The following ZRANB1 variants were observed in gnomAD, a reference collection of about 807,000 sequenced individuals.
The protein encoded by ZRANB1 is ubiquitin thioesterase ZRANB1.
Under a neutral mutation model 80.5 loss-of-function variants are expected in ZRANB1, and 16 were observed. The observed-to-expected ratio is 0.20, with a 90% CI of 0.13 to 0.30. The LOEUF (loss-of-function observed/expected upper bound fraction) is 0.30, where lower values mean the gene tolerates loss of function less well. ZRANB1 is among the 10% of genes least tolerant of loss of function. ZRANB1 has a pLI of 1.00. For missense variants in ZRANB1, 576 were observed against 862.6 expected, an observed-to-expected ratio of 0.67 and a Z score of 4.16; for synonymous variants, 291 against 293.1, an observed-to-expected ratio of 0.99 and a Z score of 0.07.
At chr10:124,960,458 G>A (rs565027504) in intron 1 of ZRANB1, among the ~76,000 whole-genome samples, 2 of 152,214 alleles carry the variant, frequency 1.3e-5, no homozygotes, top group South Asian at 4.2e-4. Context: ...CAGAGACAGG[G>A]TCTCACTCTG....
chr10:124,934,203 G>T, the ZRANB1 span, among the ~76,000 whole-genome samples: 2 of 152,160 alleles, frequency 1.3e-5, no homozygotes, highest in African/African-American at 4.8e-5. Flanking sequence ...TGCTGATAAG[G>T]CCAAGGTCAC....
In ZRANB1 at chr10:124,984,980, T is replaced by G; in HGVS notation, c.2115T>G (p.Asp705Glu). 6.2e-7 allele frequency: 1 copy of G among 1,607,122 alleles called. No homozygotes were observed. The highest frequency in any genetic ancestry group is 2.2e-5 in the East Asian group (1 of 44,752). Residue 705 changes from aspartate to glutamate, a missense_variant, in exon 9 of 9, where the codon GAT (aspartate) becomes GAG (glutamate). Around this residue, in one of 3 missense-constraint regions of ZRANB1, gnomAD observed 152 missense variants for 221.9 expected, o/e 0.69. Transcript: ENST00000359653. ...CTGATGGAGAGGAAGATGAGGATGATGAAGATGAATGAAAAAAAAAATCAA... is the reference window on the plus strand; with the variant it reads ...CTGATGGAGAGGAAGATGAGGATGAGGAAGATGAATGAAAAAAAAAATCAA... ...SLSDGEEDED[D>E]EDE
intron 6 of ZRANB1, among the ~76,000 whole-genome samples, chr10:124,982,070 A>G (rs61529493): frequency 4.9e-5 from 1 of 20,618 alleles, no homozygotes; most frequent in Admixed American, 4.1e-4. Context: ...GAGCAGGAAG[A>G]GTAACGTGTT....
the ZRANB1 span, among the ~76,000 whole-genome samples, chr10:124,934,127 A>G: frequency 6.6e-6 from 1 of 152,204 alleles, no homozygotes. Context: ...TTGAAGATTT[A>G]GGTTTGGTTG....
upstream of ZRANB1, among the ~76,000 whole-genome samples, chr10:124,941,798 T>G (rs1466283003): frequency 6.6e-6 from 1 of 152,206 alleles, no homozygotes; most frequent in Non-Finnish European, 1.5e-5. Context: ...CTTCTTTTTT[T>G]TACTCCAGAT....
At position 124,942,500 on chromosome 10, in the gene ZRANB1, GA is replaced by G; in HGVS notation, c.9del (p.Glu3AspfsTer63). On this transcript the variant is annotated frameshift_variant, in exon 1 of 9. Coordinates refer to ENST00000359653, the MANE Select transcript of ZRANB1 (RefSeq NM_017580.3). LOFTEE classifies it high-confidence loss of function. ...TCACTTCAAGAAGTGCACAATGTCA[GA>G]ACGTGGAATTAAGTGGGCTTGTGAA... MSERGIKWACEYC... is the reference protein window; with the variant it reads MSXRGIKWACEYC... The G allele has an allele frequency of 6.2e-7, 1 of 1,614,196 alleles. No homozygotes were observed. Among genetic ancestry groups the G allele is most frequent in the Non-Finnish European group, 8.5e-7 (1 of 1,180,036 alleles).
chr10:124,981,303 C>T (rs977682329), intron 5 of ZRANB1: 4 of 152,982 alleles, frequency 2.6e-5, no homozygotes, highest in African/African-American at 9.7e-5. Flanking sequence ...GAATATTTCC[C>T]ACCTGTTGTT....
chr10:124,946,399 CAA>C (rs1235102615), intron 1 of ZRANB1: 1 of 99,350 alleles, frequency 1.0e-5, no homozygotes, highest in Non-Finnish European at 2.0e-5. Context: ...GCCTGGGCAA[CAA>C]GAGCAAAACC....
upstream of ZRANB1, among the ~76,000 whole-genome samples, chr10:124,937,160 C>T (rs1951494921): frequency 6.7e-6 from 1 of 149,426 alleles, no homozygotes; most frequent in African/African-American, 2.5e-5. Flanking sequence ...TGAGTTTGCA[C>T]TTGAAGAGAA....
chr10:124,940,595 G>A (rs1224020144), upstream of ZRANB1: 5 of 1,221,780 alleles, frequency 4.1e-6, no homozygotes, highest in African/African-American at 6.3e-5. Context: ...CTTTCTTATA[G>A]TGATTTTTTT....
chr10:124,984,734 G>C, intron 8 of ZRANB1, 40 bp from the exon 9 acceptor site: 1 of 1,594,748 alleles, frequency 6.3e-7, no homozygotes, highest in Admixed American at 1.7e-5. Context: ...TCTCTGATCT[G>C]TTGTATGATT....
At position 124,983,529 on chromosome 10, in the gene ZRANB1, G is replaced by A; in HGVS notation, c.1749G>A (p.Arg583=). Residue 583 remains arginine (R), a synonymous_variant, in exon 8 of 9, where the codon AGG becomes AGA. Coordinates refer to ENST00000359653, the MANE Select transcript of ZRANB1 (RefSeq NM_017580.3). The surrounding 1 kb of genome is among the most constrained non-coding windows in gnomAD (Gnocchi z 6.2). ...GTCCGATTGCTCTGGGTTATACGAG[G>A]GGCCACTTCTCTGCTTTGGTTGCCA... ...WKSPIALGYT[R]GHFSALVAME... 2 of 1,614,114 alleles carry A rather than the reference G, an allele frequency of 1.2e-6. No individual in the cohort carries two copies. Among genetic ancestry groups the A allele is most frequent in the East Asian group, 4.5e-5 (2 of 44,882 alleles).
chr10:124,981,850 G>A, intron 6 of ZRANB1, 21 bp downstream of exon 6: 1 of 1,611,924 alleles, frequency 6.2e-7, no homozygotes, highest in Non-Finnish European at 8.5e-7. Flanking sequence ...TTCAAGTCTT[G>A]TTGCTTCTAT....
At chr10:124,936,954 TTTGTTG>T in the ZRANB1 span, among the ~76,000 whole-genome samples, 1 of 151,970 alleles carries the variant, frequency 6.6e-6, no homozygotes, top group African/African-American at 2.4e-5. Context: ...AAGGCTGCTT[TTTGTTG>T]TTGTTGTTGT....
At chr10:124,979,575 C>G (rs543812720) in intron 5 of ZRANB1, among the ~76,000 whole-genome samples, 1 of 152,220 alleles carries the variant, frequency 6.6e-6, no homozygotes, top group East Asian at 1.9e-4. Context: ...GCTGTTGTAT[C>G]TGAAGAGATT....
intron 1 of ZRANB1, chr10:124,962,259 C>A: frequency 3.3e-6 from 1 of 299,672 alleles, no homozygotes; most frequent in Non-Finnish European, 4.9e-6. Flanking sequence ...CTGAACATTA[C>A]CACTTAAAAC....
At chr10:124,940,829 T>C (rs866295791), upstream of ZRANB1, among the ~76,000 whole-genome samples, 54 of 152,040 alleles carry the variant, frequency 3.6e-4, no homozygotes, top group African/African-American at 9.9e-4. Flanking sequence ...ATACAAAAAT[T>C]AGCCGGGCAT....
intron 1 of ZRANB1, among the ~76,000 whole-genome samples, chr10:124,950,631 G>T (rs1357960599): frequency 1.3e-5 from 2 of 152,116 alleles, no homozygotes; most frequent in South Asian, 4.1e-4. Context: ...TATGGTGTCT[G>T]TCCACTCTAG....
chr10:124,923,261 G>C, the ZRANB1 span, among the ~76,000 whole-genome samples: 2 of 149,650 alleles, frequency 1.3e-5, no homozygotes, highest in African/African-American at 2.5e-5. Flanking sequence ...CTGGGCGACA[G>C]AGCAAGACTC....
Sources: gnomAD v4.1 joint callset for allele counts (sites outside exome capture counted in the v4.1 genomes callset) on GRCh38, gnomAD v4.1.1 for gene constraint, gnomAD v4.1.1 regional missense constraint, Gnocchi (gnomAD v3.1) non-coding constraint, MANE v1.5 for transcripts, NCBI Gene and HGNC (gene_info 2026-07-23, HGNC 2026-07-21) for gene names.